The following HERC2 variants were observed in gnomAD, a reference collection of about 807,000 sequenced individuals.
HERC2 encodes HECT and RLD domain containing E3 ubiquitin protein ligase 2.
HERC2 carries 102 observed loss-of-function variants against 537.7 expected under a neutral mutation model. That is an observed-to-expected ratio of 0.19 (90% CI 0.16 to 0.22). The LOEUF (loss-of-function observed/expected upper bound fraction) is 0.22. Among genes scored for constraint, HERC2 ranks in the 10% least tolerant of loss-of-function variants. The pLI, the probability that HERC2 is intolerant of heterozygous loss-of-function variation, is 1.00. For synonymous variants in HERC2, 2,224 were observed against 2,466.2 expected, an observed-to-expected ratio of 0.90 and a Z score of 2.91; for missense variants, 4,236 against 6,198.2, an observed-to-expected ratio of 0.68 and a Z score of 10.63.
At chr15:28,304,702 A>ATT (rs780900477) in intron 2 of HERC2, among the ~76,000 whole-genome samples, 5,453 of 108,228 alleles carry the variant, frequency 0.05, 333 homozygotes, top group African/African-American at 0.17. Flanking sequence ...AAGGGCTTCC[A>ATT]TTTTTTTTTT....
At chr15:28,179,638 G>A (rs1296174604) in intron 57 of HERC2, among the ~76,000 whole-genome samples, 2 of 152,178 alleles carry the variant, frequency 1.3e-5, no homozygotes, top group African/African-American at 4.8e-5. Flanking sequence ...TAAGCTAACT[G>A]TAAAAAGCCT....
At chr15:28,232,551 GA>G (rs58995112) in intron 30 of HERC2, among the ~76,000 whole-genome samples, 182 of 114,980 alleles carry the variant, frequency 1.6e-3, no homozygotes, top group South Asian at 1.8e-3. Flanking sequence ...CCATCTCAAA[GA>G]AAAAAAAAAA....
rs568314520 is a variant in HERC2 at position 28,257,247 on chromosome 15, T to C, written c.2331A>G (p.Ser777=). ...GGCCAATGGACCACTCAGAACATGATGACCAAGCAAAGCTCTAAGAGGAAA... is the reference window on the plus strand; with the variant it reads ...GGCCAATGGACCACTCAGAACATGACGACCAAGCAAAGCTCTAAGAGGAAA... ...ACGPAQSFAW[S]SCSEWSIGLR... Residue 777 remains serine, a synonymous_variant, in exon 17 of 93, where the codon TCA becomes TCG. Transcript: ENST00000261609. 7 of 1,613,840 alleles carry C rather than the reference T, an allele frequency of 4.3e-6. No homozygotes were observed. The African/African-American group carries it at 6.7e-5, about 15-fold the overall frequency.
intron 37 of HERC2, among the ~76,000 whole-genome samples, chr15:28,219,557 C>T (rs1900295102): frequency 6.6e-6 from 1 of 152,230 alleles, no homozygotes; most frequent in South Asian, 2.1e-4. Context: ...CTGCTCACAC[C>T]TGAGGGACCC....
At chr15:28,311,161 TAC>T (rs571893621) in intron 2 of HERC2, among the ~76,000 whole-genome samples, 37 of 133,466 alleles carry the variant, frequency 2.8e-4, no homozygotes, top group African/African-American at 1.0e-3. Flanking sequence ...GACAGGGAAG[TAC>T]AGTCTTTAAG....
intron 55 of HERC2, among the ~76,000 whole-genome samples, chr15:28,187,030 T>C (rs1192414575): frequency 6.6e-6 from 1 of 152,220 alleles, no homozygotes; most frequent in African/African-American, 2.4e-5. Context: ...ACAGCCTTAC[T>C]GAATGACTGC....
In HERC2 at chr15:28,256,198, C is replaced by G; in HGVS notation, c.2637G>C (p.Leu879=). 6.2e-7 allele frequency: 1 copy of G among 1,600,880 alleles called. No homozygotes were observed. The highest frequency in any genetic ancestry group is 2.2e-5 in the East Asian group (1 of 44,880). The part of the protein sequence containing the change: ...VVTLASSAGV[L]STVQSAAQAV... ...CCTGGGCGGCCGACTGCACGGTGCTCAGCACGCCCGCACTGCTGGCCAGGG... is the reference window on the plus strand; with the variant it reads ...CCTGGGCGGCCGACTGCACGGTGCTGAGCACGCCCGCACTGCTGGCCAGGG... Residue 879 remains leucine, a synonymous_variant, in exon 18 of 93, where the codon CTG becomes CTC. Coordinates refer to ENST00000261609, the MANE Select transcript of HERC2 (RefSeq NM_004667.6).
Position 28,163,145 on chromosome 15 carries a change from G to T in HERC2, c.10695C>A (p.Gly3565=), listed in dbSNP as rs1566959422. The T allele has an allele frequency of 1.9e-6, 3 of 1,612,778 alleles. No homozygotes were observed. The highest frequency in any genetic ancestry group is 2.5e-6 in the Non-Finnish European group (3 of 1,180,018). Residue 3565 remains glycine, a synonymous_variant, in exon 69 of 93, where the codon GGC becomes GGA. Transcript: ENST00000261609. ...AAAGCACCGCGGAGAGCACATCCCTGCCCCTGTCCCCGGCCCGGCTGCACA... is the reference window on the plus strand; with the variant it reads ...AAAGCACCGCGGAGAGCACATCCCTTCCCCTGTCCCCGGCCCGGCTGCACA... ...LSVCSRAGDR[G]RDVLSAVLSG...
chr15:28,124,095 C>T lies in HERC2; in HGVS notation c.13130G>A (p.Gly4377Glu). 6.2e-7 allele frequency: 1 copy of T among 1,608,446 alleles called. No homozygotes were observed. Among genetic ancestry groups the T allele is most frequent in the East Asian group, 2.3e-5 (1 of 44,264 alleles). ...FDLEGSLDET[G>E]LGPSVGFDTL... ...GTCGAACCCAACAGAAGGCCCGAGT[C>T]CAGTTTCGTCGAGCGAGCCTTCCAG... Residue 4377 changes from glycine to glutamate, a missense_variant, in exon 85 of 93, where the codon GGA becomes GAA. By Grantham distance (98) the Gly-to-Glu change is moderately conservative (BLOSUM62 -2). Coordinates refer to ENST00000261609, the MANE Select transcript of HERC2 (RefSeq NM_004667.6).
At chr15:28,225,353 A>G (rs1335669530) in intron 35 of HERC2, among the ~76,000 whole-genome samples, 1 of 152,076 alleles carries the variant, frequency 6.6e-6, no homozygotes, top group Non-Finnish European at 1.5e-5. Flanking sequence ...AACAAAACCA[A>G]AAGTTTGGTT....
At chr15:28,295,072 A>G (rs1178065892) in intron 3 of HERC2, among the ~76,000 whole-genome samples, 1 of 152,100 alleles carries the variant, frequency 6.6e-6, no homozygotes, top group Non-Finnish European at 1.5e-5. Context: ...ATGAGATCCC[A>G]CTAGACTTGT....
chr15:28,227,742 A>G (rs1443745348), intron 35 of HERC2, among the ~76,000 whole-genome samples: 1 of 152,210 alleles, frequency 6.6e-6, no homozygotes, highest in African/African-American at 2.4e-5. Flanking sequence ...GGCAAAACCA[A>G]CCCAAATGTC....
chr15:28,229,653 G>A (rs765793411), intron 32 of HERC2, 21 bp downstream of exon 32: 5 of 1,609,048 alleles, frequency 3.1e-6, no homozygotes, highest in Non-Finnish European at 4.2e-6. Context: ...ATGCAGAGAA[G>A]CATTTCTCAT....
chr15:28,164,537 A>AT (rs931692027), intron 68 of HERC2, among the ~76,000 whole-genome samples: 160 of 132,260 alleles, frequency 1.2e-3, no homozygotes, highest in Admixed American at 3.6e-3. Context: ...TGTACCTACC[A>AT]TTTTTTTTTA....
intron 9 of HERC2, among the ~76,000 whole-genome samples, chr15:28,271,634 A>G (rs1394835049): frequency 6.6e-6 from 1 of 152,030 alleles, no homozygotes; most frequent in Non-Finnish European, 1.5e-5. Flanking sequence ...ACGCCACTGC[A>G]CTCCAGCCTG....
At chr15:28,127,694 G>T (rs981318995) in intron 83 of HERC2, among the ~76,000 whole-genome samples, 2 of 152,110 alleles carry the variant, frequency 1.3e-5, no homozygotes. Flanking sequence ...GGCATGGCGG[G>T]AACAAGTGGA....
At chr15:28,131,970 A>G (rs1019634920) in intron 81 of HERC2, 130 bp downstream of exon 81, 2 of 695,364 alleles carry the variant, frequency 2.9e-6, no homozygotes, top group Non-Finnish European at 4.6e-6. Context: ...AGAGGAGGTT[A>G]AAGTGCTCCT....
chr15:28,116,229 T>C (rs897147922), intron 88 of HERC2, among the ~76,000 whole-genome samples: 2 of 150,688 alleles, frequency 1.3e-5, no homozygotes, highest in South Asian at 4.2e-4. Context: ...TTTCTTTTTT[T>C]TTTTTTTTTT....
In HERC2 at chr15:28,272,231, G is replaced by C; in HGVS notation, c.1067C>G (p.Ser356Cys). 6.2e-7 allele frequency: 1 copy of C among 1,605,120 alleles called. No homozygotes were observed. Residue 356 changes from serine (S) to cysteine (C), a missense_variant, in exon 9 of 93, where the codon TCC becomes TGC. This residue lies in a region of HERC2 where 491 missense variants were observed against 559.3 expected (regional missense o/e 0.88). Transcript: ENST00000261609. The stretch of plus-strand genomic sequence containing the variant: ...GACACTCACGTGCATGTCGCCCTCG[G>C]AGTGGGGTGCATCCTTCCTGCAAAT... ...SIICRKDAPH[S>C]EGDMHLLSGP...
Sources: allele counts gnomAD v4.1 joint callset (sites outside exome capture counted in the v4.1 genomes callset), GRCh38; gene constraint gnomAD v4.1.1; regional missense constraint gnomAD v4.1.1; transcripts MANE v1.5; gene names NCBI Gene and HGNC (gene_info 2026-07-23, HGNC 2026-07-21).